The following DNAJC15 variants were observed in gnomAD, a reference collection of about 807,000 sequenced individuals.
DNAJC15 encodes DnaJ heat shock protein family (Hsp40) member C15, also known as dnaJ homolog subfamily C member 15.
A neutral mutation model predicts 22.4 loss-of-function variants in DNAJC15; 27 were observed. The ratio of observed to expected loss-of-function variants is 1.20; its 90% CI spans 0.89 to 1.66. The LOEUF is 1.66. DNAJC15 is among the 40% of genes most tolerant of loss of function. DNAJC15 has a pLI of 0.00. For synonymous variants in DNAJC15, 79 were observed against 63.2 expected, an observed-to-expected ratio of 1.25 and a Z score of -1.19; for missense variants, 208 against 187.1, an observed-to-expected ratio of 1.11 and a Z score of -0.65.
Position 43,112,988 on chromosome 13 carries a change from G to A in DNAJC15, c.*5740G>A, listed in dbSNP as rs568512351. 7.9e-5 allele frequency: 12 copies of A among 152,308 alleles called. No homozygotes were observed. Among genetic ancestry groups the A allele is most frequent in the Admixed American group, 5.9e-4 (9 of 15,296 alleles). 9.4% of individuals were successfully genotyped at this position (152,308 alleles called of 1,614,324 possible). On this transcript the variant is annotated 3_prime_UTR_variant, in exon 6 of 6. Transcript: ENST00000379221. ...CTTTAATTCTTCCCTGGAAGCTTAC[G>A]ATGTCCATCCAAGTGCACATAGCAA...
At chr13:43,048,173 T>A (rs1300094419) in intron 1 of DNAJC15, among the ~76,000 whole-genome samples, 1 of 152,212 alleles carries the variant, frequency 6.6e-6, no homozygotes, top group African/African-American at 2.4e-5. Flanking sequence ...AAGTGTACTC[T>A]AAAGTAATGA....
chr13:43,092,642 T>TA (rs1198132309), intron 5 of DNAJC15, among the ~76,000 whole-genome samples: 1 of 152,228 alleles, frequency 6.6e-6, no homozygotes, highest in Non-Finnish European at 1.5e-5. Flanking sequence ...ACTTGATAGA[T>TA]ACATTTTTTT....
intron 1 of DNAJC15, among the ~76,000 whole-genome samples, chr13:43,027,291 T>C (rs941638332): frequency 3.3e-5 from 5 of 152,232 alleles, no homozygotes; most frequent in African/African-American, 1.2e-4. Context: ...ATGTGCAGGT[T>C]TGTTACACAG....
intron 3 of DNAJC15, among the ~76,000 whole-genome samples, chr13:43,075,118 G>C (rs977912059): frequency 5.3e-5 from 8 of 152,114 alleles, no homozygotes; most frequent in Non-Finnish European, 1.0e-4. Flanking sequence ...ATACTTTTCT[G>C]CACCCAGCCC....
intron 1 of DNAJC15, among the ~76,000 whole-genome samples, chr13:43,035,089 C>T (rs903788388): frequency 2.0e-5 from 3 of 152,152 alleles, no homozygotes; most frequent in African/African-American, 7.2e-5. Context: ...TGTCTTGGTA[C>T]ACGTGGCTGC....
chr13:43,051,211 C>CA lies in DNAJC15; in HGVS notation c.109-14474dup, dbSNP rs543351937. ...AAGGCTGGTCTCGAACTCCTGACCT[C>CA]AGACGATCCACCCATCTCAGCCTCC... On this transcript the variant is annotated intron_variant, in intron 1 of 5. Coordinates refer to ENST00000379221, the MANE Select transcript of DNAJC15 (RefSeq NM_013238.3). Among the ~76,000 whole-genome samples the CA allele has an allele frequency of 5.9e-5, 9 of 152,312 alleles. No homozygotes were observed. The East Asian group carries it at 1.5e-3, about 26-fold the overall frequency.
At chr13:43,057,716 G>A (rs940276871) in intron 1 of DNAJC15, among the ~76,000 whole-genome samples, 3 of 152,236 alleles carry the variant, frequency 2.0e-5, no homozygotes, top group Non-Finnish European at 2.9e-5. Context: ...GTTCTTTCTC[G>A]TTTGGGTAGA....
intron 1 of DNAJC15, among the ~76,000 whole-genome samples, chr13:43,037,154 G>A (rs1486688529): frequency 1.3e-5 from 2 of 152,212 alleles, no homozygotes; most frequent in East Asian, 3.8e-4. Flanking sequence ...CGCTCCAGAC[G>A]GGCCGTAGCA....
At chr13:43,041,816 T>C (rs2153439857) in intron 1 of DNAJC15, among the ~76,000 whole-genome samples, 1 of 152,296 alleles carries the variant, frequency 6.6e-6, no homozygotes, top group Non-Finnish European at 1.5e-5. Flanking sequence ...ACTGCTAACT[T>C]TTATTTAGCC....
At chr13:43,074,412 G>A (rs1240902918) in intron 3 of DNAJC15, among the ~76,000 whole-genome samples, 2 of 152,090 alleles carry the variant, frequency 1.3e-5, no homozygotes, top group African/African-American at 4.8e-5. Flanking sequence ...GGTCCAGGAT[G>A]TGTTTCTGTT....
intron 5 of DNAJC15, among the ~76,000 whole-genome samples, chr13:43,093,997 A>T (rs2153441948): frequency 6.6e-6 from 1 of 152,274 alleles, no homozygotes; most frequent in East Asian, 1.9e-4. Context: ...CTTCACACAA[A>T]TAGGTAGTTG....
chr13:43,078,725 C>T lies in DNAJC15; in HGVS notation c.311+37C>T. 5 of 1,574,508 alleles carry T rather than the reference C, an allele frequency of 3.2e-6. No homozygotes were observed. In the South Asian group the frequency reaches 5.8e-5, roughly 18 times the overall value. ...GCATAAGTATTGTTTTGTTGTGTGG[C>T]CAAGCTTGTCTTTAAAAAAGAGAAA... On this transcript the variant is annotated intron_variant, in intron 4 of 5. Coordinates refer to ENST00000379221, the MANE Select transcript of DNAJC15 (RefSeq NM_013238.3).
At chr13:43,105,757 G>A (rs2040793708) in intron 5 of DNAJC15, among the ~76,000 whole-genome samples, 2 of 152,126 alleles carry the variant, frequency 1.3e-5, no homozygotes, top group African/African-American at 4.8e-5. Context: ...AGACATCGAG[G>A]ACATCACCCT....
At chr13:43,052,498 A>G (rs766533077) in intron 1 of DNAJC15, among the ~76,000 whole-genome samples, 3 of 150,984 alleles carry the variant, frequency 2.0e-5, no homozygotes, top group Non-Finnish European at 4.4e-5. Context: ...GCTCACTACA[A>G]CCTCCACCTC....
chr13:43,095,671 A>G (rs569602272), intron 5 of DNAJC15, among the ~76,000 whole-genome samples: 3 of 152,320 alleles, frequency 2.0e-5, no homozygotes, highest in African/African-American at 7.2e-5. Context: ...CAAAGGAGAC[A>G]GAAGGAAAAA....
At chr13:43,046,636 C>T (rs2040478446) in intron 1 of DNAJC15, among the ~76,000 whole-genome samples, 1 of 152,134 alleles carries the variant, frequency 6.6e-6, no homozygotes, top group African/African-American at 2.4e-5. Context: ...GGATATAAAC[C>T]CAGGCATTGG....
chr13:43,034,435 C>A (rs538745805), intron 1 of DNAJC15, among the ~76,000 whole-genome samples: 2 of 150,954 alleles, frequency 1.3e-5, no homozygotes, highest in East Asian at 2.0e-4. Flanking sequence ...CCCGCCTCAG[C>A]CTCCTGAGTA....
chr13:43,033,499 T>G (rs2040413305), intron 1 of DNAJC15, among the ~76,000 whole-genome samples: 2 of 152,224 alleles, frequency 1.3e-5, no homozygotes, highest in South Asian at 2.1e-4. Context: ...TTAGCTGATG[T>G]CCTTTTTCTG....
rs145900558 is a variant in DNAJC15, at chr13:43,044,857, A to G, written c.109-20829A>G. Among the ~76,000 whole-genome samples, 745 of 151,854 alleles carry G rather than the reference A, an allele frequency of 4.9e-3. 19 individuals carry two copies. Among genetic ancestry groups the G allele is most frequent in the Admixed American group, 0.04 (612 of 15,248 alleles). ...ATTAATCGCTGTAGCCCAAGTGACCATTATCTCTTTCATGGATTATTTTAA... is the reference window on the plus strand; with the variant it reads ...ATTAATCGCTGTAGCCCAAGTGACCGTTATCTCTTTCATGGATTATTTTAA... On this transcript the variant is annotated intron_variant, in intron 1 of 5. Coordinates refer to ENST00000379221, the MANE Select transcript of DNAJC15 (RefSeq NM_013238.3).
Sources: gnomAD v4.1 joint callset for allele counts (sites outside exome capture counted in the v4.1 genomes callset) on GRCh38, gnomAD v4.1.1 for gene constraint, MANE v1.5 for transcripts, NCBI Gene and HGNC (gene_info 2026-07-23, HGNC 2026-07-21) for gene names.